Variants in SH3PXD2A observed in about 807,000 individuals in gnomAD.
The protein encoded by SH3PXD2A is SH3 and PX domain-containing protein 2A.
Under a neutral mutation model 115.2 loss-of-function variants are expected in SH3PXD2A, and 32 were observed. The observed-to-expected ratio is 0.28, with a 90% CI of 0.21 to 0.37. SH3PXD2A has a LOEUF of 0.37. Among genes scored for constraint, SH3PXD2A ranks in the 10% least tolerant of loss-of-function variants. The probability of loss-of-function intolerance (pLI) is 1.00; values close to 1 mark genes in which losing one functional copy is unlikely to be tolerated. For synonymous variants in SH3PXD2A, 610 were observed against 629.1 expected, an observed-to-expected ratio of 0.97 and a Z score of 0.45; for missense variants, 1,328 against 1,498.7, an observed-to-expected ratio of 0.89 and a Z score of 1.88.
chr10:103,820,105 G>A (rs1589469583), intron 1 of SH3PXD2A, among the ~76,000 whole-genome samples: 2 of 152,306 alleles, frequency 1.3e-5, no homozygotes, highest in Admixed American at 1.3e-4. Flanking sequence ...GAGAAACTAA[G>A]TGCCAGAAGT....
rs556080811 is a variant in SH3PXD2A at position 103,627,329 on chromosome 10, C to A, written c.605-127G>T. 7 of 631,538 alleles carry A rather than the reference C, an allele frequency of 1.1e-5. No individual in the cohort carries two copies. The South Asian group carries it at 1.3e-4, about 12-fold the overall frequency. The allele number at this position is 631,538 out of a possible 1,614,324, so 39.1% of individuals were successfully genotyped here. On this transcript the variant is annotated intron_variant, in intron 8 of 14. Coordinates refer to ENST00000369774, the MANE Select transcript of SH3PXD2A (RefSeq NM_001394015.1). The surrounding 1 kb of genome is among the most constrained non-coding windows in gnomAD (Gnocchi z 4.4). ...AGCATGGAGCCAGATGGCCTGGGGA[C>A]CCAGCAAATGCCTGGCCCAGCTCCA... is the stretch of plus-strand genomic sequence containing the variant.
In SH3PXD2A at chr10:103,617,297, C is replaced by T. The variant is rs138514344; in HGVS notation, c.820G>A (p.Val274Met). The change falls in exon 11 of 15, where the codon GTG (valine) becomes ATG (methionine). Residue 274 changes from valine to methionine, a missense_variant. By Grantham distance (21) the Val-to-Met change is conservative. Coordinates refer to ENST00000369774, the MANE Select transcript of SH3PXD2A (RefSeq NM_001394015.1). ...TTGCTTTGGCTGGTGTAAGGCTGCACGGTGACATACTTCTCCTCTGGGGGT... is the reference window on the plus strand; with the variant it reads ...TTGCTTTGGCTGGTGTAAGGCTGCATGGTGACATACTTCTCCTCTGGGGGT... Reference protein sequence around the residue: ...QHSREEKYVTVQPYTSQSKDE... With the variant: ...QHSREEKYVTMQPYTSQSKDE... The T allele has an allele frequency of 5.9e-5, 95 of 1,613,448 alleles. No individual in the cohort carries two copies. The highest frequency in any genetic ancestry group is 2.1e-4 in the African/African-American group (16 of 74,936).
chr10:103,753,204 G>A (rs908739573), intron 3 of SH3PXD2A, among the ~76,000 whole-genome samples: 6 of 151,224 alleles, frequency 4.0e-5, no homozygotes, highest in African/African-American at 1.5e-4. Flanking sequence ...CAAAGGCTGG[G>A]TGCAGTGACT....
chr10:103,685,224 A>T (rs2134114237), intron 6 of SH3PXD2A, among the ~76,000 whole-genome samples: 2 of 150,610 alleles, frequency 1.3e-5, no homozygotes, highest in East Asian at 3.9e-4. Flanking sequence ...CTATAATTCC[A>T]TCTACTTGGG....
chr10:103,623,235 C>T (rs2036634888), intron 9 of SH3PXD2A, among the ~76,000 whole-genome samples: 1 of 151,838 alleles, frequency 6.6e-6, no homozygotes, highest in African/African-American at 2.4e-5. Context: ...TGCTCCTCCT[C>T]TCAGGCCACC....
chr10:103,662,690 C>G (rs576648506), intron 7 of SH3PXD2A, among the ~76,000 whole-genome samples: 2 of 152,122 alleles, frequency 1.3e-5, no homozygotes, highest in Non-Finnish European at 2.9e-5. Context: ...TGAGCCACCG[C>G]GCCCGGCCTA....
rs747113041 is a variant in SH3PXD2A at position 103,661,120 on chromosome 10, G to A, written c.473-6C>T. 4 of 1,612,352 alleles carry A rather than the reference G, an allele frequency of 2.5e-6. No homozygotes were observed. The highest frequency in any genetic ancestry group is 3.3e-5 in the Admixed American group (2 of 59,954). On this transcript the variant is annotated splice_region_variant and splice_polypyrimidine_tract_variant and intron_variant, in intron 7 of 14. Transcript: ENST00000369774. ...CTCGGCGGTGGCGTCGGCACCTGGC[G>A]AGGGCAGAAAGCACGCGGTGAGCCA...
At chr10:103,797,872 G>A (rs2039107940) in intron 2 of SH3PXD2A, among the ~76,000 whole-genome samples, 2 of 152,156 alleles carry the variant, frequency 1.3e-5, no homozygotes, top group Admixed American at 6.5e-5. Flanking sequence ...TGCAGAGTGT[G>A]AAGGGCAGGG....
rs999696333 is a variant in SH3PXD2A, at chr10:103,631,241, G to A, written c.605-4039C>T. 2.6e-5 allele frequency among the ~76,000 whole-genome samples: 4 copies of A among 151,920 alleles called. No homozygotes were observed. In the East Asian group the frequency reaches 5.8e-4, roughly 22 times the overall value. On this transcript the variant is annotated intron_variant, in intron 8 of 14. Coordinates refer to ENST00000369774, the MANE Select transcript of SH3PXD2A (RefSeq NM_001394015.1). Reference sequence around the variant, plus strand: ...GATTGTGCCACTGCACTGGAGCCTCGGTGACAGGGCAAGACTGCCTCTAAA... The same window carrying A: ...GATTGTGCCACTGCACTGGAGCCTCAGTGACAGGGCAAGACTGCCTCTAAA...
chr10:103,611,550 G>A, intron 13 of SH3PXD2A, 31 bp downstream of exon 13: 1 of 1,602,756 alleles, frequency 6.2e-7, no homozygotes, highest in Non-Finnish European at 8.5e-7. Flanking sequence ...AGAAAAGGAA[G>A]GAAAGGGGAG....
intron 1 of SH3PXD2A, among the ~76,000 whole-genome samples, chr10:103,833,987 T>G (rs888746756): frequency 2.6e-5 from 4 of 152,012 alleles, no homozygotes; most frequent in Non-Finnish European, 4.4e-5. Flanking sequence ...AACAGATCAG[T>G]AAAGGCTCTG....
In SH3PXD2A at chr10:103,594,144, A is replaced by G. The variant is rs1436935476; in HGVS notation, c.*7672T>C. 1 of 152,632 alleles carries G rather than the reference A, an allele frequency of 6.6e-6. No homozygotes were observed. Among genetic ancestry groups the G allele is most frequent in the East Asian group, 1.9e-4 (1 of 5,206 alleles). 9.5% of individuals were successfully genotyped at this position (152,632 alleles called of 1,614,324 possible). On this transcript the variant is annotated 3_prime_UTR_variant, in exon 15 of 15. Coordinates refer to ENST00000369774, the MANE Select transcript of SH3PXD2A (RefSeq NM_001394015.1). ...GTCTAGAAGCATGCCAAGACAGAGC[A>G]TTTTCTGCAGACCAAAGAGTCCCGT...
intron 2 of SH3PXD2A, among the ~76,000 whole-genome samples, chr10:103,796,974 C>T (rs1382181461): frequency 1.3e-5 from 2 of 151,456 alleles, no homozygotes; most frequent in Non-Finnish European, 1.5e-5. Flanking sequence ...GCAATTATCC[C>T]GCCTCAGCCT....
At chr10:103,749,124 C>G (rs2038544117) in intron 3 of SH3PXD2A, among the ~76,000 whole-genome samples, 1 of 151,188 alleles carries the variant, frequency 6.6e-6, no homozygotes, top group Admixed American at 6.6e-5. Context: ...CTCCTGACCT[C>G]AGGTGATCCA....
In SH3PXD2A at chr10:103,597,396, AG is replaced by A. The variant is rs2036151703; in HGVS notation, c.*4419del. On this transcript the variant is annotated 3_prime_UTR_variant, in exon 15 of 15. Transcript: ENST00000369774. ...AAATATCAGGACACTGGGGTGAGAG[AG>A]GGCTGCTGGGAGTCATTTTTAGGCC... The A allele has an allele frequency of 6.6e-6, 1 of 152,246 alleles. No individual in the cohort carries two copies. Among genetic ancestry groups the A allele is most frequent in the African/African-American group, 2.4e-5 (1 of 41,450 alleles). The allele number at this position is 152,246 out of a possible 1,614,324, so 9.4% of individuals were successfully genotyped here.
Position 103,597,313 on chromosome 10 carries a change from GAACT to G in SH3PXD2A, c.*4499_*4502del, listed in dbSNP as rs2133896473. On this transcript the variant is annotated 3_prime_UTR_variant, in exon 15 of 15. Transcript: ENST00000369774. ...CTTCTAGGCTTCCTGCCTAGAAACT[GAACT>G]GAGGGCACCCAGTTTTAGAAAGATT... The G allele has an allele frequency of 6.6e-6, 1 of 152,536 alleles. No homozygotes were observed. Among genetic ancestry groups the G allele is most frequent in the Non-Finnish European group, 1.5e-5 (1 of 68,042 alleles). 9.4% of individuals were successfully genotyped at this position (152,536 alleles called of 1,614,324 possible).
At chr10:103,603,919 T>A (rs1445628346) in intron 14 of SH3PXD2A, 130 bp from the exon 15 acceptor site, 6 of 1,066,974 alleles carry the variant, frequency 5.6e-6, no homozygotes, top group Non-Finnish European at 7.7e-6. Context: ...ACCGAGCCAC[T>A]GAGTAAGTGG....
chr10:103,789,668 G>C (rs959029876), intron 2 of SH3PXD2A, among the ~76,000 whole-genome samples: 7 of 152,228 alleles, frequency 4.6e-5, no homozygotes, highest in African/African-American at 1.4e-4. Context: ...GTTATCCAAA[G>C]AGGGGTAAGA....
At chr10:103,806,912 C>T (rs545164963) in intron 1 of SH3PXD2A, among the ~76,000 whole-genome samples, 2 of 152,304 alleles carry the variant, frequency 1.3e-5, no homozygotes, top group Non-Finnish European at 2.9e-5. Context: ...ACAGACACTG[C>T]GTGGGAACTC....
Sources: gnomAD v4.1 joint callset for allele counts (sites outside exome capture counted in the v4.1 genomes callset) on GRCh38, gnomAD v4.1.1 for gene constraint, Gnocchi (gnomAD v3.1) non-coding constraint, MANE v1.5 for transcripts, NCBI Gene and HGNC (gene_info 2026-07-23, HGNC 2026-07-21) for gene names.